The following ATP2B3 variants were observed in gnomAD, a reference collection of about 807,000 sequenced individuals.
The protein encoded by ATP2B3 is ATPase plasma membrane Ca2+ transporting 3.
A neutral mutation model predicts 70.8 loss-of-function variants in ATP2B3; 12 were observed. The observed-to-expected ratio is 0.17, with a 90% CI of 0.11 to 0.27. The LOEUF is 0.27. Among genes scored for constraint, ATP2B3 ranks in the 10% least tolerant of loss-of-function variants. ATP2B3 has a pLI of 1.00. For missense variants in ATP2B3, 858 were observed against 1,118.5 expected (o/e 0.77, Z 3.32); for synonymous variants, 460 against 497.8 (o/e 0.92, Z 1.01).
chrX:153,572,463 C>T (rs1208887197), intron 21 of ATP2B3, among the ~76,000 whole-genome samples: 1 of 112,392 alleles, frequency 8.9e-6, no homozygotes, highest in Admixed American at 9.3e-5. Context: ...ATCCCCTCAC[C>T]CTGTGCCCCT....
rs1557013327 is a variant in ATP2B3, at chrX:153,556,094, C to T, written c.2104C>T (p.Arg702Cys). Residue 702 changes from arginine to cysteine, a missense_variant, in exon 14 of 22, where the codon CGC becomes TGC. Around this residue, in one of 5 missense-constraint regions of ATP2B3, gnomAD observed 242 missense variants for 281.3 expected, o/e 0.86. Transcript: ENST00000263519. ...ATGCCAGCGTGCTGGCATCACAGTCCGCATGGTGACTGGGGACAACATCAA... is the reference window on the plus strand; with the variant it reads ...ATGCCAGCGTGCTGGCATCACAGTCTGCATGGTGACTGGGGACAACATCAA... Reference protein sequence around the residue: ...RKCQRAGITVRMVTGDNINTA... With the variant: ...RKCQRAGITVCMVTGDNINTA... 6 of 1,212,529 alleles carry T rather than the reference C, an allele frequency of 4.9e-6. No homozygotes were observed. The highest frequency in any genetic ancestry group is 4.3e-5 in the Admixed American group (2 of 46,162).
chrX:153,561,846 C>T (rs1299288605), intron 19 of ATP2B3, among the ~76,000 whole-genome samples: 2 of 112,858 alleles, frequency 1.8e-5, no homozygotes, highest in Non-Finnish European at 3.8e-5. Context: ...GCATGTCCAG[C>T]GTGCCCGCAG....
intron 21 of ATP2B3, chrX:153,569,128 A>T: frequency 3.0e-6 from 1 of 334,623 alleles, no homozygotes. Flanking sequence ...CTGCCCAGTC[A>T]CTCAGATGAG....
rs1039696263 is a variant in ATP2B3, at chrX:153,559,564, G to A, written c.2626-165G>A. On this transcript the variant is annotated intron_variant, in intron 17 of 21. Coordinates refer to ENST00000263519, the MANE Select transcript of ATP2B3 (RefSeq NM_001001344.3). ...GGGCACGTGACAGCCCAAAGAAAAC[G>A]CCCCACTAGCGTAAAGGCGATGTAG... is the stretch of plus-strand genomic sequence containing the variant. 1.0e-4 allele frequency: 46 copies of A among 452,019 alleles called. 1 individual carries two copies. The highest frequency in any genetic ancestry group is 1.4e-4 in the Non-Finnish European group (36 of 266,364). The allele number at this position is 452,019 out of a possible 1,213,427, so 37.3% of individuals were successfully genotyped here.
chrX:153,547,729 C>T, intron 8 of ATP2B3, 106 bp from the exon 9 acceptor site: 20 of 949,583 alleles, frequency 2.1e-5, no homozygotes, highest in South Asian at 1.3e-4. Flanking sequence ...CACTGAATCC[C>T]GTCTCCTCTC....
In ATP2B3 at chrX:153,531,756, A is replaced by G. The variant is rs1205100797; in HGVS notation, c.-126-4366A>G. 4.4e-5 allele frequency among the ~76,000 whole-genome samples: 5 copies of G among 112,743 alleles called. No homozygotes were observed. The Admixed American group carries it at 4.7e-4, about 11-fold the overall frequency. On this transcript the variant is annotated intron_variant, in intron 2 of 21. Coordinates refer to ENST00000263519, the MANE Select transcript of ATP2B3 (RefSeq NM_001001344.3). ...GGGAGCTGGGACTTCCTGGCAGTAC[A>G]TGCCCCATCATCCCTGTGGGGATAT...
rs782112638 is a variant in ATP2B3 at position 153,556,396 on chromosome X, C to T, written c.2304C>T (p.Thr768=). The T allele has an allele frequency of 6.6e-6, 8 of 1,204,057 alleles. No individual in the cohort carries two copies. Among genetic ancestry groups the T allele is most frequent in the South Asian group, 1.8e-5 (1 of 55,315 alleles). Residue 768 remains threonine (T), a synonymous_variant, in exon 15 of 22, where the codon ACC becomes ACT. Coordinates refer to ENST00000263519, the MANE Select transcript of ATP2B3 (RefSeq NM_001001344.3). ...KLRVLARSSP[T]DKHTLVKGII... is the part of the protein sequence containing the mutation. The stretch of plus-strand genomic sequence containing the variant: ...GGGTGCTGGCCCGGTCGTCTCCCAC[C>T]GACAAGCACACACTGGTCAAAGGTA...
chrX:153,564,160 G>A (rs1196824412), intron 20 of ATP2B3, among the ~76,000 whole-genome samples: 1 of 112,827 alleles, frequency 8.9e-6, no homozygotes, highest in African/African-American at 3.2e-5. Flanking sequence ...CTCTAGGCTG[G>A]TGTTCCTCCA....
rs185132135 is a variant in ATP2B3 at position 153,539,360 on chromosome X, T to C, written c.209-1999T>C. On this transcript the variant is annotated intron_variant, in intron 3 of 21. Coordinates refer to ENST00000263519, the MANE Select transcript of ATP2B3 (RefSeq NM_001001344.3). ...CCAGGGGCAGAGAGGCACGGACAGC[T>C]GCGGCTCTTCTGGGTGGGGAGGACG... Among the ~76,000 whole-genome samples the C allele has an allele frequency of 8.9e-5, 10 of 112,866 alleles. No homozygotes were observed. The East Asian group carries it at 2.5e-3, about 28-fold the overall frequency.
At chrX:153,579,836 G>A in intron 21 of ATP2B3, 142 bp from the exon 22 acceptor site, 1 of 514,876 alleles carries the variant, frequency 1.9e-6, no homozygotes, top group Non-Finnish European at 3.2e-6. Context: ...CCATTGACGT[G>A]GGTGGAATTT....
At chrX:153,541,964 C>G (rs1365118420) in intron 5 of ATP2B3, 38 bp downstream of exon 5, 86 of 1,179,673 alleles carry the variant, frequency 7.3e-5, no homozygotes, top group Middle Eastern at 4.9e-4. Flanking sequence ...GTCAAGGAAG[C>G]TCGGCTCCTG....
At chrX:153,561,977 C>T (rs1403050166) in intron 19 of ATP2B3, among the ~76,000 whole-genome samples, 158 bp from the exon 20 acceptor site, 4 of 112,546 alleles carry the variant, frequency 3.6e-5, no homozygotes, top group African/African-American at 1.3e-4. Flanking sequence ...CCATGCACTG[C>T]TCTGTCATCA....
intron 2 of ATP2B3, among the ~76,000 whole-genome samples, chrX:153,527,292 C>T (rs1557000198): frequency 8.9e-6 from 1 of 112,490 alleles, no homozygotes. Flanking sequence ...ACGAGGTCTC[C>T]GTCCCTTTGT....
chrX:153,526,999 GGTAGCTCCTTATTTA>G (rs1430830398), intron 2 of ATP2B3, among the ~76,000 whole-genome samples: 9 of 112,388 alleles, frequency 8.0e-5, no homozygotes, highest in Non-Finnish European at 1.5e-4. Context: ...TATGTGTCCT[GGTAGCTCCTTATTTA>G]GTCACTGCCT....
intron 3 of ATP2B3, 137 bp downstream of exon 3, chrX:153,536,592 G>T: frequency 1.0e-5 from 7 of 690,879 alleles, no homozygotes; most frequent in Non-Finnish European, 1.5e-5. Flanking sequence ...TTCCCTTGAG[G>T]GGGAGATGCC....
chrX:153,556,291 C>T (rs782792623), intron 14 of ATP2B3, 40 bp from the exon 15 acceptor site: 12 of 1,199,836 alleles, frequency 1.0e-5, no homozygotes, highest in South Asian at 1.8e-5. Flanking sequence ...CCTGCGTGCC[C>T]GCCTTAGCTC....
intron 21 of ATP2B3, among the ~76,000 whole-genome samples, chrX:153,575,124 G>A (rs137906494): frequency 0.078 from 8,709 of 112,200 alleles, 586 homozygotes; most frequent in African/African-American, 0.21. Context: ...GAGCCCCTGC[G>A]TGGGGTGTTC....
At position 153,582,830 on chromosome X, in the gene ATP2B3, A is replaced by G. The variant is rs1281436889; in HGVS notation, c.*2532A>G. The stretch of plus-strand genomic sequence containing the variant: ...AAAAAAACTTAATGAGAAAGATCAC[A>G]GATACGTAATAATTTAAAGTCTGTA... On this transcript the variant is annotated 3_prime_UTR_variant, in exon 22 of 22. Coordinates refer to ENST00000263519, the MANE Select transcript of ATP2B3 (RefSeq NM_001001344.3). The G allele has an allele frequency of 8.9e-6, 1 of 112,977 alleles. No homozygotes were observed. Among genetic ancestry groups the G allele is most frequent in the East Asian group, 2.8e-4 (1 of 3,632 alleles). 9.3% of individuals were successfully genotyped at this position (112,977 alleles called of 1,213,427 possible).
chrX:153,559,636 A>T, intron 17 of ATP2B3, 93 bp from the exon 18 acceptor site: 1 of 729,447 alleles, frequency 1.4e-6, no homozygotes, highest in African/African-American at 2.1e-5. Context: ...GGTGATGTGG[A>T]CCCCATGAGG....
Sources: gnomAD v4.1 joint callset for allele counts (sites outside exome capture counted in the v4.1 genomes callset) on GRCh38, gnomAD v4.1.1 for gene constraint, gnomAD v4.1.1 regional missense constraint, MANE v1.5 for transcripts, NCBI Gene and HGNC (gene_info 2026-07-23, HGNC 2026-07-21) for gene names.